The following ST8SIA4 variants were observed in gnomAD, a reference collection of about 807,000 sequenced individuals.
ST8SIA4 encodes the protein ST8 alpha-N-acetyl-neuraminide alpha-2,8-sialyltransferase 4.
Under a neutral mutation model 33.9 loss-of-function variants are expected in ST8SIA4, and 15 were observed. The ratio of observed to expected loss-of-function variants is 0.44; its 90% CI spans 0.30 to 0.68. The LOEUF is 0.68. Ranked by LOEUF, ST8SIA4 falls within the 30% of genes least tolerant of loss-of-function variation. The probability of loss-of-function intolerance (pLI) is 0.10; values close to 1 mark genes in which losing one functional copy is unlikely to be tolerated. For synonymous variants in ST8SIA4, 171 were observed against 151.2 expected (o/e 1.13, Z -0.96); for missense variants, 321 against 428.0 (o/e 0.75, Z 2.21).
intron 4 of ST8SIA4, among the ~76,000 whole-genome samples, chr5:100,814,209 C>A (rs1472672878): frequency 6.6e-6 from 1 of 151,956 alleles, no homozygotes; most frequent in East Asian, 1.9e-4. Flanking sequence ...TTTTTTGATA[C>A]AGGACATCTT....
intron 1 of ST8SIA4, among the ~76,000 whole-genome samples, chr5:100,898,439 G>T (rs1486612625): frequency 6.6e-6 from 1 of 152,152 alleles, no homozygotes; most frequent in East Asian, 1.9e-4. Context: ...GATTTAAAAA[G>T]TTTAAATCAG....
At chr5:100,850,129 T>C (rs1751660384) in intron 4 of ST8SIA4, among the ~76,000 whole-genome samples, 1 of 152,190 alleles carries the variant, frequency 6.6e-6, no homozygotes, top group African/African-American at 2.4e-5. Flanking sequence ...ACCATATTAC[T>C]ACACATGGAA....
chr5:100,884,300 G>A (rs1053871536), intron 3 of ST8SIA4, among the ~76,000 whole-genome samples: 1 of 152,212 alleles, frequency 6.6e-6, no homozygotes, highest in Non-Finnish European at 1.5e-5. Context: ...TAGCTTAGTA[G>A]TGGTCTAAAT....
chr5:100,834,260 G>T (rs138441293), intron 4 of ST8SIA4, among the ~76,000 whole-genome samples: 106 of 152,214 alleles, frequency 7.0e-4, no homozygotes, highest in African/African-American at 2.4e-3. Flanking sequence ...GCAATTGTTA[G>T]TTGTAGGGCA....
At chr5:100,900,344 G>A (rs1752876480) in intron 1 of ST8SIA4, 5 of 449,772 alleles carry the variant, frequency 1.1e-5, no homozygotes, top group East Asian at 7.0e-5. Flanking sequence ...GGGATCTGGA[G>A]CCGAACCTCC....
rs544665273 is a variant in ST8SIA4, at chr5:100,831,435, T to A, written c.798-19306A>T. Among the ~76,000 whole-genome samples the A allele has an allele frequency of 5.3e-5, 8 of 152,292 alleles. No homozygotes were observed. In the South Asian group the frequency reaches 1.2e-3, roughly 24 times the overall value. On this transcript the variant is annotated intron_variant, in intron 4 of 4. Coordinates refer to ENST00000231461, the MANE Select transcript of ST8SIA4 (RefSeq NM_005668.6). ...AATTATACCTTGAGACATAAAACAT[T>A]TATCAATTCTAAAACTTCCCACCTG...
intron 4 of ST8SIA4, among the ~76,000 whole-genome samples, chr5:100,848,295 C>T (rs990014876): frequency 6.6e-6 from 1 of 151,086 alleles, no homozygotes; most frequent in Admixed American, 6.6e-5. Context: ...GTTTGACATA[C>T]AAAACGTCTA....
At position 100,902,913 on chromosome 5, in the gene ST8SIA4, G is replaced by A. The variant is rs1381074811; in HGVS notation, c.43C>T (p.Leu15=). 4 of 1,614,236 alleles carry A rather than the reference G, an allele frequency of 2.5e-6. No individual in the cohort carries two copies. In the Admixed American group the frequency reaches 6.7e-5, roughly 27 times the overall value. The change falls in exon 1 of 5, where the codon CTG becomes TTG. Residue 15 remains leucine, a synonymous_variant. Coordinates refer to ENST00000231461, the MANE Select transcript of ST8SIA4 (RefSeq NM_005668.6). ...RKRWTICTIS[L]LLIFYKTKEI... ...TTTGTCTTATAAAAGATCAGGAGCA[G>A]ACTTATTGTGCAGATCGTCCACCTC... is the stretch of plus-strand genomic sequence containing the variant.
At chr5:100,836,638 TC>T (rs1425985813) in intron 4 of ST8SIA4, among the ~76,000 whole-genome samples, 1 of 152,062 alleles carries the variant, frequency 6.6e-6, no homozygotes, top group Non-Finnish European at 1.5e-5. Context: ...CGTTGACTTC[TC>T]CAACTTGGCA....
chr5:100,856,405 G>GA lies in ST8SIA4; in HGVS notation c.504-10dup. The GA allele has an allele frequency of 1.3e-6, 2 of 1,569,844 alleles. No individual in the cohort carries two copies. Among genetic ancestry groups the GA allele is most frequent in the Non-Finnish European group, 1.7e-6 (2 of 1,157,310 alleles). On this transcript the variant is annotated splice_polypyrimidine_tract_variant and intron_variant, in intron 3 of 4. Transcript: ENST00000231461. ...CAGGAGCTAGATTACACCTGAAGAG[G>GA]AAAAAATTAATGGGACAAATGAAAA...
intron 3 of ST8SIA4, among the ~76,000 whole-genome samples, chr5:100,867,246 T>C (rs1207348550): frequency 1.3e-5 from 2 of 151,926 alleles, no homozygotes; most frequent in Non-Finnish European, 2.9e-5. Context: ...TGAGTACAAG[T>C]TTGTAATTGG....
Position 100,900,581 on chromosome 5 carries a change from C to A in ST8SIA4, c.113+2262G>T, listed in dbSNP as rs1213722144. 8 of 445,442 alleles carry A rather than the reference C, an allele frequency of 1.8e-5. No individual in the cohort carries two copies. In the East Asian group the frequency reaches 2.1e-4, roughly 12 times the overall value. The allele number at this position is 445,442 out of a possible 1,614,324, so 27.6% of individuals were successfully genotyped here. On this transcript the variant is annotated intron_variant, in intron 1 of 4. Coordinates refer to ENST00000231461, the MANE Select transcript of ST8SIA4 (RefSeq NM_005668.6). ...CTAGCTGCCCTCGCATTGTTCCTGG[C>A]AGCTCCAACTCCTTGCACAGTCTTG...
At chr5:100,882,139 C>A (rs1304304847) in intron 3 of ST8SIA4, among the ~76,000 whole-genome samples, 3 of 152,214 alleles carry the variant, frequency 2.0e-5, no homozygotes, top group Non-Finnish European at 4.4e-5. Context: ...AAGTTTGGAA[C>A]TTCCTAGAGA....
At chr5:100,817,844 T>G (rs951360338) in intron 4 of ST8SIA4, among the ~76,000 whole-genome samples, 1 of 152,140 alleles carries the variant, frequency 6.6e-6, no homozygotes, top group Non-Finnish European at 1.5e-5. Context: ...TTCTAATGTG[T>G]GTAAATAAAG....
At chr5:100,844,166 C>G (rs1394968291) in intron 4 of ST8SIA4, among the ~76,000 whole-genome samples, 1 of 151,930 alleles carries the variant, frequency 6.6e-6, no homozygotes, top group African/African-American at 2.4e-5. Flanking sequence ...ATTTTGCTTT[C>G]ACTTATGCTC....
chr5:100,818,642 G>A (rs938086705), intron 4 of ST8SIA4, among the ~76,000 whole-genome samples: 1 of 151,932 alleles, frequency 6.6e-6, no homozygotes, highest in African/African-American at 2.4e-5. Context: ...TTTTTTCTAT[G>A]TGCCCTTTGT....
intron 4 of ST8SIA4, among the ~76,000 whole-genome samples, chr5:100,813,122 T>A (rs1750847661): frequency 6.6e-6 from 1 of 152,248 alleles, no homozygotes; most frequent in East Asian, 1.9e-4. Context: ...CTGTATTTAA[T>A]AAGCTTGCTT....
intron 2 of ST8SIA4, chr5:100,890,993 C>G (rs551429392): frequency 6.6e-6 from 1 of 151,910 alleles, no homozygotes; most frequent in African/African-American, 2.4e-5. Context: ...ATAGCAACTG[C>G]AGAATCCCAG....
intron 4 of ST8SIA4, 49 bp from the exon 5 acceptor site, chr5:100,812,178 T>C (rs772930883): frequency 1.3e-6 from 2 of 1,530,998 alleles, no homozygotes; most frequent in African/African-American, 2.8e-5. Flanking sequence ...TAGACACACA[T>C]AGAGCATATC....
Sources: gnomAD v4.1 joint callset for allele counts (sites outside exome capture counted in the v4.1 genomes callset) on GRCh38, gnomAD v4.1.1 for gene constraint, MANE v1.5 for transcripts, NCBI Gene and HGNC (gene_info 2026-07-23, HGNC 2026-07-21) for gene names.